The following BAZ2B variants were observed in gnomAD, a reference collection of about 807,000 sequenced individuals.
BAZ2B encodes the protein bromodomain adjacent to zinc finger domain protein 2B.
Under a neutral mutation model 246.0 loss-of-function variants are expected in BAZ2B, and 91 were observed. The ratio of observed to expected loss-of-function variants is 0.37; its 90% CI spans 0.31 to 0.44. The LOEUF (loss-of-function observed/expected upper bound fraction) is 0.44. BAZ2B is among the 20% of genes least tolerant of loss of function. The pLI is 1.00. For synonymous variants in BAZ2B, 855 were observed against 860.0 expected, an observed-to-expected ratio of 0.99 and a Z score of 0.10; for missense variants, 2,332 against 2,533.7, an observed-to-expected ratio of 0.92 and a Z score of 1.71.
upstream of BAZ2B, among the ~76,000 whole-genome samples, chr2:159,620,750 A>T (rs886449340): frequency 6.6e-6 from 1 of 152,150 alleles, no homozygotes; most frequent in Non-Finnish European, 1.5e-5. Context: ...ACAGAGATAA[A>T]GGAATGATAG....
chr2:159,702,415 C>T, the BAZ2B span, among the ~76,000 whole-genome samples: 1 of 152,194 alleles, frequency 6.6e-6, no homozygotes, highest in Non-Finnish European at 1.5e-5. Flanking sequence ...TTTATAAAGA[C>T]AAATTTTCAT....
At chr2:159,414,906 TA>T (rs1471919671) in intron 13 of BAZ2B, among the ~76,000 whole-genome samples, 1 of 152,052 alleles carries the variant, frequency 6.6e-6, no homozygotes, top group African/African-American at 2.4e-5. Context: ...AATTATATAT[TA>T]AAAGTATAAT....
chr2:159,574,239 C>T (rs1181746588), intron 1 of BAZ2B, among the ~76,000 whole-genome samples: 1 of 151,454 alleles, frequency 6.6e-6, no homozygotes, highest in African/African-American at 2.4e-5. Flanking sequence ...CACAAATGGC[C>T]AATAAGCATA....
intron 20 of BAZ2B, among the ~76,000 whole-genome samples, chr2:159,390,156 A>G (rs1162728811): frequency 6.6e-6 from 1 of 152,188 alleles, no homozygotes; most frequent in African/African-American, 2.4e-5. Context: ...CAGTAGAATC[A>G]TCAGTCAGTT....
At chr2:159,383,405 A>C (rs2062237916) in intron 24 of BAZ2B, among the ~76,000 whole-genome samples, 2 of 152,186 alleles carry the variant, frequency 1.3e-5, no homozygotes, top group South Asian at 4.1e-4. Context: ...TGAAGAATAT[A>C]AGCTCAATGA....
At chr2:159,674,086 T>C in the BAZ2B span, among the ~76,000 whole-genome samples, 1 of 152,036 alleles carries the variant, frequency 6.6e-6, no homozygotes, top group Non-Finnish European at 1.5e-5. Context: ...CTGATACTTG[T>C]AATCCCAAGC....
the BAZ2B span, among the ~76,000 whole-genome samples, chr2:159,656,466 T>A: frequency 5.9e-5 from 9 of 152,278 alleles, no homozygotes; most frequent in African/African-American, 2.2e-4. Context: ...TCTAAAAATT[T>A]TGTGTTACAC....
rs557520233 is a variant in BAZ2B at position 159,442,715 on chromosome 2, G to C, written c.697-3503C>G. On this transcript the variant is annotated intron_variant, in intron 6 of 36. Transcript: ENST00000392783. ...TCATTCTACTTCGGTCTATAATTCT[G>C]ATGAGTCTAAGTACCTCAAATAAGT... 9.9e-5 allele frequency among the ~76,000 whole-genome samples: 15 copies of C among 152,212 alleles called. No homozygotes were observed. In the South Asian group the frequency reaches 2.7e-3, roughly 27 times the overall value.
At chr2:159,636,264 T>C in the BAZ2B span, among the ~76,000 whole-genome samples, 1 of 150,590 alleles carries the variant, frequency 6.6e-6, no homozygotes, top group Non-Finnish European at 1.5e-5. Flanking sequence ...GAAAGACGCA[T>C]TGAGGAGGGC....
In BAZ2B at chr2:159,506,014, A is replaced by C. The variant is rs546893354; in HGVS notation, c.-2-27293T>G. On this transcript the variant is annotated intron_variant, in intron 2 of 36. Transcript: ENST00000392783. ...AGGACAGTTGTGAGAACTCCCAGCT[A>C]TCCTCCTGTCAACAATGACAGAGAA... 3.3e-5 allele frequency among the ~76,000 whole-genome samples: 5 copies of C among 152,300 alleles called. No homozygotes were observed. In the East Asian group the frequency reaches 9.6e-4, roughly 29 times the overall value.
chr2:159,606,920 C>CTGT (rs1485809142), intron 1 of BAZ2B, among the ~76,000 whole-genome samples: 2 of 66,198 alleles, frequency 3.0e-5, no homozygotes, highest in East Asian at 1.5e-3. Flanking sequence ...AGTGGGATTT[C>CTGT]TATTTTTTTT....
the BAZ2B span, among the ~76,000 whole-genome samples, chr2:159,675,798 G>A: frequency 6.6e-6 from 1 of 151,920 alleles, no homozygotes; most frequent in Non-Finnish European, 1.5e-5. Flanking sequence ...GGAGTGCAGT[G>A]GCGTGATCCT....
intron 3 of BAZ2B, among the ~76,000 whole-genome samples, chr2:159,456,758 G>T (rs186281502): frequency 1.3e-5 from 2 of 152,200 alleles, no homozygotes; most frequent in African/African-American, 4.8e-5. Flanking sequence ...GAGTCTTACA[G>T]GTCCATTCCT....
At chr2:159,691,960 A>G in the BAZ2B span, among the ~76,000 whole-genome samples, 1 of 152,196 alleles carries the variant, frequency 6.6e-6, no homozygotes. Context: ...GCAGTTATTA[A>G]TACTGCATCA....
chr2:159,369,726 T>C (rs1393910421), intron 27 of BAZ2B, among the ~76,000 whole-genome samples: 2 of 152,126 alleles, frequency 1.3e-5, no homozygotes, highest in Admixed American at 6.5e-5. Context: ...AGGTGATTCA[T>C]AAGGTTAAAA....
intron 2 of BAZ2B, among the ~76,000 whole-genome samples, chr2:159,549,677 G>A (rs1197629801): frequency 2.6e-5 from 4 of 151,872 alleles, no homozygotes; most frequent in Admixed American, 2.6e-4. Flanking sequence ...TGCACTGATA[G>A]CTGTCCTGGG....
intron 33 of BAZ2B, among the ~76,000 whole-genome samples, chr2:159,336,415 T>C (rs933782161): frequency 6.6e-6 from 1 of 152,164 alleles, no homozygotes; most frequent in Admixed American, 6.5e-5. Context: ...AAAACCAATT[T>C]TAATTAGTAG....
At chr2:159,405,438 C>T (rs534193447) in intron 14 of BAZ2B, among the ~76,000 whole-genome samples, 311 of 152,220 alleles carry the variant, frequency 2.0e-3, no homozygotes, top group African/African-American at 7.1e-3. Context: ...TCTCCATCTC[C>T]TGACCTCATG....
At chr2:159,663,747 G>A in the BAZ2B span, among the ~76,000 whole-genome samples, 14 of 150,896 alleles carry the variant, frequency 9.3e-5, no homozygotes, top group African/African-American at 3.4e-4. Flanking sequence ...TTGAACTCCT[G>A]ACCTCGTGAT....
Sources: gnomAD v4.1 joint callset for allele counts (sites outside exome capture counted in the v4.1 genomes callset) on GRCh38, gnomAD v4.1.1 for gene constraint, MANE v1.5 for transcripts, NCBI Gene and HGNC (gene_info 2026-07-23, HGNC 2026-07-21) for gene names.